PIP4K2A: variants seen among roughly 807,000 people sequenced by gnomAD.
The protein encoded by PIP4K2A is phosphatidylinositol-5-phosphate 4-kinase type 2 alpha, also known as phosphatidylinositol 5-phosphate 4-kinase type-2 alpha.
PIP4K2A carries 14 observed loss-of-function variants against 42.9 expected under a neutral mutation model. That is an observed-to-expected ratio of 0.33 (90% CI 0.22 to 0.51). PIP4K2A has a LOEUF of 0.51. Ranked by LOEUF, PIP4K2A falls within the 20% of genes least tolerant of loss-of-function variation. The probability of loss-of-function intolerance (pLI) is 0.97; values close to 1 mark genes in which losing one functional copy is unlikely to be tolerated. For synonymous variants in PIP4K2A, 192 were observed against 192.2 expected, an observed-to-expected ratio of 1.00 and a Z score of 0.01; for missense variants, 434 against 519.8, an observed-to-expected ratio of 0.83 and a Z score of 1.61.
intron 3 of PIP4K2A, among the ~76,000 whole-genome samples, chr10:22,606,144 C>CAAAAAAA (rs368075253): frequency 7.7e-6 from 1 of 130,586 alleles, no homozygotes. Context: ...CCAATCTCTA[C>CAAAAAAA]CAAAAAAAAA....
In PIP4K2A at chr10:22,591,775, G is replaced by C. The variant is rs144387950; in HGVS notation, c.346C>G (p.Leu116Val). ...TTGGGGAGGGGTGCGCTCCTGGTCA[G>C]GGAATTCTTCCCGGGTGGGGTAAGA... ...GIDDQDFQNS[L>V]TRSAPLPNDS... is the part of the protein sequence containing the mutation. The change falls in exon 4 of 10, where the codon CTG (leucine) becomes GTG (valine). Residue 116 changes from leucine to valine, a missense_variant. Leu to Val is a conservative substitution (Grantham distance 32). Around this residue, in one of 2 missense-constraint regions of PIP4K2A, gnomAD observed 395 missense variants for 444.5 expected, o/e 0.89. Coordinates refer to ENST00000376573, the MANE Select transcript of PIP4K2A (RefSeq NM_005028.5). 4.3e-6 allele frequency: 7 copies of C among 1,609,246 alleles called. No individual in the cohort carries two copies. Among genetic ancestry groups the C allele is most frequent in the Non-Finnish European group, 5.9e-6 (7 of 1,177,496 alleles).
intron 1 of PIP4K2A, among the ~76,000 whole-genome samples, chr10:22,627,591 TAAAAAA>T (rs57671642): frequency 1.1e-4 from 6 of 57,032 alleles, no homozygotes; most frequent in South Asian, 8.3e-4. Flanking sequence ...TAATATGTAA[TAAAAAA>T]AAAAAAAAAA....
intron 9 of PIP4K2A, 39 bp downstream of exon 9, chr10:22,539,910 AGGGAGAGAGAGAGAGAGAGAGG>A (rs1564410990): frequency 1.0e-4 from 11 of 105,990 alleles, no homozygotes; most frequent in South Asian, 1.7e-4. Context: ...AGAGAGAGAG[AGGGAGAGAGAGAGAGAGAGAGG>A]GAGAGAAAGA....
rs1835895238 is a variant in PIP4K2A at position 22,535,441 on chromosome 10, T to C, written c.*1760A>G. The C allele has an allele frequency of 6.6e-6, 1 of 152,256 alleles. No individual in the cohort carries two copies. Among genetic ancestry groups the C allele is most frequent in the Admixed American group, 6.5e-5 (1 of 15,282 alleles). 9.4% of individuals were successfully genotyped at this position (152,256 alleles called of 1,614,324 possible). A position where few individuals can be genotyped will look rare whatever the true frequency, so the allele number is the denominator to read the frequency against. Reference sequence around the variant, plus strand: ...GACAGTATACGGAGGGCACGACTGCTGGCTTCCAAAGACTCTGTGAACTAG... The same window carrying C: ...GACAGTATACGGAGGGCACGACTGCCGGCTTCCAAAGACTCTGTGAACTAG... On this transcript the variant is annotated 3_prime_UTR_variant, in exon 10 of 10. Transcript: ENST00000376573.
At chr10:22,712,348 G>C (rs1162870422) in intron 1 of PIP4K2A, among the ~76,000 whole-genome samples, 2 of 152,032 alleles carry the variant, frequency 1.3e-5, no homozygotes, top group African/African-American at 4.8e-5. Flanking sequence ...TTCCCAGAAA[G>C]CACACTCTTT....
intron 4 of PIP4K2A, among the ~76,000 whole-genome samples, chr10:22,574,852 G>T (rs1467608118): frequency 6.6e-6 from 1 of 152,184 alleles, no homozygotes; most frequent in Non-Finnish European, 1.5e-5. Flanking sequence ...TGGGTGAAAA[G>T]AAAATTTCTC....
intron 1 of PIP4K2A, among the ~76,000 whole-genome samples, chr10:22,697,543 AC>A (rs889404883): frequency 6.6e-5 from 10 of 151,978 alleles, no homozygotes; most frequent in Non-Finnish European, 1.5e-4. Flanking sequence ...ACACAGCAAG[AC>A]CCCCATCTCT....
chr10:22,597,037 G>A (rs1200542077), intron 3 of PIP4K2A, among the ~76,000 whole-genome samples: 1 of 152,258 alleles, frequency 6.6e-6, no homozygotes, highest in Non-Finnish European at 1.5e-5. Context: ...ATTTTGCCAA[G>A]TAAAGTGTGT....
chr10:22,616,891 C>T (rs748688930), intron 1 of PIP4K2A, among the ~76,000 whole-genome samples: 10 of 152,134 alleles, frequency 6.6e-5, no homozygotes, highest in Non-Finnish European at 1.3e-4. Flanking sequence ...AAATACTCCT[C>T]AAAGCTCCAT....
intron 1 of PIP4K2A, among the ~76,000 whole-genome samples, chr10:22,674,415 C>CAAAAAAAAAAAAAAAAAAAAAA: frequency 1.6e-5 from 1 of 61,132 alleles, no homozygotes; most frequent in Admixed American, 2.2e-4. Context: ...CACTTGGGAG[C>CAAAAAAAAAAAAAAAAAAAAAA]AAAAAAAAAA....
In PIP4K2A at chr10:22,679,114, C is replaced by T. The variant is rs529523912; in HGVS notation, c.144+35069G>A. Reference sequence around the variant, plus strand: ...ATATCAAAATTTACACCTAATGCTGCAAACAATACTATCAAAGTGAAAAGA... The same window carrying T: ...ATATCAAAATTTACACCTAATGCTGTAAACAATACTATCAAAGTGAAAAGA... On this transcript the variant is annotated intron_variant, in intron 1 of 9. Coordinates refer to ENST00000376573, the MANE Select transcript of PIP4K2A (RefSeq NM_005028.5). 1.6e-3 allele frequency among the ~76,000 whole-genome samples: 236 copies of T among 152,172 alleles called. 1 individual carries two copies. The highest frequency in any genetic ancestry group is 5.6e-3 in the African/African-American group (232 of 41,510).
intron 3 of PIP4K2A, among the ~76,000 whole-genome samples, chr10:22,601,420 A>G (rs953019977): frequency 1.3e-5 from 2 of 152,168 alleles, no homozygotes; most frequent in African/African-American, 4.8e-5. Context: ...GCTGACCCTG[A>G]TGGGCTGTGA....
intron 1 of PIP4K2A, among the ~76,000 whole-genome samples, chr10:22,622,287 G>A (rs1249084982): frequency 6.6e-6 from 1 of 152,238 alleles, no homozygotes; most frequent in Non-Finnish European, 1.5e-5. Context: ...CACAGCTGGG[G>A]TTCAGGTGGC....
intron 4 of PIP4K2A, among the ~76,000 whole-genome samples, chr10:22,588,618 C>T (rs1216104437): frequency 6.6e-6 from 1 of 152,026 alleles, no homozygotes; most frequent in Admixed American, 6.6e-5. Flanking sequence ...GGAATAAGGT[C>T]AAGAGTGAAT....
chr10:22,677,664 A>G (rs1394332082), intron 1 of PIP4K2A, among the ~76,000 whole-genome samples: 3 of 152,234 alleles, frequency 2.0e-5, no homozygotes, highest in African/African-American at 7.2e-5. Context: ...AAAAAGGTAC[A>G]AGAAAAAAAT....
intron 5 of PIP4K2A, among the ~76,000 whole-genome samples, chr10:22,570,913 C>G (rs1042646933): frequency 6.6e-6 from 1 of 152,000 alleles, no homozygotes; most frequent in African/African-American, 2.4e-5. Flanking sequence ...TCTGAAGCCA[C>G]ACATCCTGGT....
chr10:22,541,423 A>C (rs188485043), intron 8 of PIP4K2A, among the ~76,000 whole-genome samples: 43 of 152,344 alleles, frequency 2.8e-4, no homozygotes, highest in African/African-American at 1.0e-3. Flanking sequence ...AAACGTATTA[A>C]TATTTTAAAG....
At chr10:22,687,946 G>A (rs1181636441) in intron 1 of PIP4K2A, among the ~76,000 whole-genome samples, 1 of 152,138 alleles carries the variant, frequency 6.6e-6, no homozygotes, top group Non-Finnish European at 1.5e-5. Flanking sequence ...CTTCACTATA[G>A]TCACTATTAT....
At chr10:22,630,583 G>C (rs1838527587) in intron 1 of PIP4K2A, among the ~76,000 whole-genome samples, 1 of 152,186 alleles carries the variant, frequency 6.6e-6, no homozygotes, top group African/African-American at 2.4e-5. Flanking sequence ...CACCAAGTCA[G>C]CAGGTTCTAG....
Sources: gnomAD v4.1 joint callset for allele counts (sites outside exome capture counted in the v4.1 genomes callset) on GRCh38, gnomAD v4.1.1 for gene constraint, gnomAD v4.1.1 regional missense constraint, MANE v1.5 for transcripts, NCBI Gene and HGNC (gene_info 2026-07-23, HGNC 2026-07-21) for gene names.